Variants in SDK1 observed in about 807,000 individuals in gnomAD.
SDK1 encodes protein sidekick-1.
Under a neutral mutation model 245.5 loss-of-function variants are expected in SDK1, and 157 were observed. That is an observed-to-expected ratio of 0.64 (90% CI 0.56 to 0.73). The LOEUF is 0.73. Ranked by LOEUF, SDK1 falls within the 30% of genes least tolerant of loss-of-function variation. The pLI is 0.00. For missense variants in SDK1, 3,583 were observed against 3,002.3 expected (o/e 1.19, Z -4.52); for synonymous variants, 1,647 against 1,278.5 (o/e 1.29, Z -6.15).
intron 40 of SDK1, among the ~76,000 whole-genome samples, chr7:4,224,410 C>G (rs574986182): frequency 6.6e-6 from 1 of 152,052 alleles, no homozygotes; most frequent in African/African-American, 2.4e-5. Context: ...AGGTGCCACA[C>G]GTTTTTAAAC....
intron 4 of SDK1, among the ~76,000 whole-genome samples, chr7:3,706,950 C>T (rs1583326524): frequency 6.6e-6 from 1 of 152,078 alleles, no homozygotes; most frequent in Non-Finnish European, 1.5e-5. Context: ...ATCTTTTCTT[C>T]TCTTGGTTAG....
intron 44 of SDK1, among the ~76,000 whole-genome samples, chr7:4,246,191 A>G (rs1763388078): frequency 6.6e-6 from 1 of 152,212 alleles, no homozygotes; most frequent in Non-Finnish European, 1.5e-5. Context: ...GCAGTGAGAG[A>G]TAGGCAAGGC....
chr7:3,361,903 C>A (rs1476814242), intron 1 of SDK1, among the ~76,000 whole-genome samples: 1 of 152,114 alleles, frequency 6.6e-6, no homozygotes, highest in Non-Finnish European at 1.5e-5. Flanking sequence ...TTTAAAATAT[C>A]TTTTAAGTAC....
intron 1 of SDK1, among the ~76,000 whole-genome samples, chr7:3,440,874 CA>C (rs1780173975): frequency 6.6e-6 from 1 of 152,048 alleles, no homozygotes; most frequent in South Asian, 2.1e-4. Flanking sequence ...AGATACGAAC[CA>C]AAAAGATGTT....
At chr7:3,714,013 A>G (rs1160173634) in intron 4 of SDK1, among the ~76,000 whole-genome samples, 1 of 152,230 alleles carries the variant, frequency 6.6e-6, no homozygotes, top group Non-Finnish European at 1.5e-5. Context: ...AAACATCGAA[A>G]TATCAGATGA....
intron 1 of SDK1, among the ~76,000 whole-genome samples, chr7:3,516,617 A>C (rs1782759976): frequency 6.6e-6 from 1 of 152,312 alleles, no homozygotes; most frequent in South Asian, 2.1e-4. Context: ...TGCTACTAAC[A>C]GTATTTTCAC....
intron 1 of SDK1, among the ~76,000 whole-genome samples, chr7:3,492,691 T>A (rs1259339759): frequency 6.6e-6 from 1 of 152,204 alleles, no homozygotes; most frequent in Non-Finnish European, 1.5e-5. Context: ...GGTTGACTGA[T>A]GCTCTCTCTG....
chr7:4,128,873 G>T (rs1321094492), intron 26 of SDK1, among the ~76,000 whole-genome samples: 1 of 139,538 alleles, frequency 7.2e-6, no homozygotes, highest in Admixed American at 7.1e-5. Context: ...GCTTGGGGTG[G>T]GGTGCCCTGG....
At chr7:3,393,048 G>T (rs1781801341) in intron 1 of SDK1, among the ~76,000 whole-genome samples, 1 of 134,278 alleles carries the variant, frequency 7.4e-6, no homozygotes, top group Admixed American at 8.9e-5. Flanking sequence ...TCAGCTCACT[G>T]CAATCTCCGC....
At chr7:4,126,585 G>A (rs1337103087) in intron 25 of SDK1, among the ~76,000 whole-genome samples, 2 of 152,204 alleles carry the variant, frequency 1.3e-5, no homozygotes, top group Non-Finnish European at 2.9e-5. Context: ...GCCAGGCGTG[G>A]TGGCACATGC....
chr7:3,495,484 C>G (rs535235681), intron 1 of SDK1, among the ~76,000 whole-genome samples: 45 of 152,236 alleles, frequency 3.0e-4, no homozygotes, highest in African/African-American at 1.1e-3. Context: ...GTCTTGAACA[C>G]CCAGCCTCAA....
intron 35 of SDK1, among the ~76,000 whole-genome samples, chr7:4,190,481 G>A (rs915196167): frequency 2.6e-5 from 4 of 152,228 alleles, no homozygotes; most frequent in Admixed American, 6.5e-5. Flanking sequence ...GGGGCTCCCC[G>A]GGCGCTATCC....
At chr7:3,989,606 A>G (rs1452325399) in intron 14 of SDK1, among the ~76,000 whole-genome samples, 1 of 152,040 alleles carries the variant, frequency 6.6e-6, no homozygotes, top group Non-Finnish European at 1.5e-5. Context: ...TTTTCAGGAC[A>G]CCTAGGAGTG....
chr7:3,661,456 AG>A (rs1462190517), intron 4 of SDK1, among the ~76,000 whole-genome samples: 4 of 152,206 alleles, frequency 2.6e-5, no homozygotes, highest in Non-Finnish European at 5.9e-5. Flanking sequence ...CTAGTTGTGT[AG>A]TACCCCGCCT....
chr7:4,098,974 C>T (rs1291900779), intron 22 of SDK1, among the ~76,000 whole-genome samples: 1 of 151,704 alleles, frequency 6.6e-6, no homozygotes, highest in Non-Finnish European at 1.5e-5. Flanking sequence ...TGCCCGGCCA[C>T]AAATGTAGTC....
chr7:3,605,050 T>G (rs1229404917), intron 1 of SDK1, among the ~76,000 whole-genome samples: 1 of 152,126 alleles, frequency 6.6e-6, no homozygotes, highest in Non-Finnish European at 1.5e-5. Context: ...TGTATAAATT[T>G]AGTTCTTTTA....
intron 5 of SDK1, among the ~76,000 whole-genome samples, chr7:3,826,756 A>C (rs1231736179): frequency 1.3e-5 from 2 of 152,232 alleles, no homozygotes; most frequent in African/African-American, 4.8e-5. Context: ...CCACCTGACC[A>C]ACAGACTCAA....
chr7:3,330,312 G>C (rs748702320), intron 1 of SDK1, among the ~76,000 whole-genome samples: 7 of 152,270 alleles, frequency 4.6e-5, no homozygotes, highest in Non-Finnish European at 4.4e-5. Context: ...CAGTGTGTGA[G>C]GGTTCCAATT....
At chr7:3,839,142 G>C (rs959585896) in intron 5 of SDK1, among the ~76,000 whole-genome samples, 5 of 152,088 alleles carry the variant, frequency 3.3e-5, no homozygotes, top group Admixed American at 3.3e-4. Flanking sequence ...ACACGCCTGG[G>C]GTCTTCCCTC....
Sources: gnomAD v4.1 joint callset for allele counts (sites outside exome capture counted in the v4.1 genomes callset) on GRCh38, gnomAD v4.1.1 for gene constraint, MANE v1.5 for transcripts, NCBI Gene and HGNC (gene_info 2026-07-23, HGNC 2026-07-21) for gene names.